The following IQCM variants were observed in gnomAD, a reference collection of about 807,000 sequenced individuals.
IQCM encodes IQ motif containing M, also known as IQ domain-containing protein M.
Under a neutral mutation model 57.6 loss-of-function variants are expected in IQCM, and 45 were observed. The ratio of observed to expected loss-of-function variants is 0.78; its 90% CI spans 0.62 to 1.00. The LOEUF is 1.00. IQCM is among the 50% of genes least tolerant of loss of function. IQCM has a pLI of 0.00. For missense variants in IQCM, 468 were observed against 511.6 expected (o/e 0.91, Z 0.82); for synonymous variants, 148 against 158.9 (o/e 0.93, Z 0.51).
intron 8 of IQCM, among the ~76,000 whole-genome samples, chr4:149,598,649 CTTTA>C (rs59828455): frequency 0.21 from 32,062 of 151,948 alleles, 4,186 homozygotes; most frequent in Non-Finnish European, 0.28. Context: ...AAATTCTCAA[CTTTA>C]TTTGTCATTA....
intron 7 of IQCM, among the ~76,000 whole-genome samples, chr4:149,660,656 A>G (rs1351583442): frequency 1.3e-5 from 2 of 152,104 alleles, no homozygotes; most frequent in African/African-American, 4.8e-5. Flanking sequence ...GCAGCCATAA[A>G]AAAGGATGAG....
chr4:149,509,105 G>T (rs1744138516), intron 12 of IQCM, among the ~76,000 whole-genome samples: 1 of 152,082 alleles, frequency 6.6e-6, no homozygotes, highest in Non-Finnish European at 1.5e-5. Flanking sequence ...CCAGTCTTGG[G>T]TATGCCTTTA....
intron 12 of IQCM, among the ~76,000 whole-genome samples, chr4:149,481,701 G>GTTTTGTTTT (rs1740817619): frequency 5.8e-5 from 3 of 51,550 alleles, no homozygotes; most frequent in African/African-American, 7.6e-5. Flanking sequence ...TTCCAGTTTT[G>GTTTTGTTTT]TTTTTTTTTT....
At chr4:149,363,348 T>C (rs2110931060) in intron 13 of IQCM, among the ~76,000 whole-genome samples, 1 of 152,194 alleles carries the variant, frequency 6.6e-6, no homozygotes, top group South Asian at 2.1e-4. Context: ...TGAAGTAGGG[T>C]GGGTCCAGGA....
In IQCM at chr4:149,548,540, T is replaced by C; in HGVS notation, c.1143A>G (p.Arg381=). 8.1e-7 allele frequency: 1 copy of C among 1,231,550 alleles called. No individual in the cohort carries two copies. The highest frequency in any genetic ancestry group is 1.0e-6 in the Non-Finnish European group (1 of 987,448). 76.3% of individuals were successfully genotyped at this position (1,231,550 alleles called of 1,614,324 possible). The change falls in exon 12 of 14, where the codon AGA becomes AGG. Residue 381 remains arginine, a synonymous_variant. Transcript: ENST00000636793. ...CACTGAAGAAATTGGGGAGCTCATTTCTTTCAATTTTTGGCCAATCTTCCC... is the reference window on the plus strand; with the variant it reads ...CACTGAAGAAATTGGGGAGCTCATTCCTTTCAATTTTTGGCCAATCTTCCC... ...AKREDWPKIE[R]NELPNFFSDC...
intron 12 of IQCM, among the ~76,000 whole-genome samples, chr4:149,543,517 G>A (rs956223530): frequency 1.4e-5 from 2 of 144,900 alleles, no homozygotes; most frequent in African/African-American, 5.1e-5. Context: ...TTTCATCCAT[G>A]TCCCTACAAA....
chr4:149,498,727 A>T (rs950697095), intron 12 of IQCM, among the ~76,000 whole-genome samples: 5 of 152,126 alleles, frequency 3.3e-5, no homozygotes, highest in Non-Finnish European at 7.4e-5. Flanking sequence ...ACTTCTTCCT[A>T]CTACTCCAAT....
chr4:149,453,535 C>CA (rs894934009), intron 12 of IQCM, among the ~76,000 whole-genome samples: 3 of 151,514 alleles, frequency 2.0e-5, no homozygotes, highest in African/African-American at 7.3e-5. Flanking sequence ...ATAAAAAAGA[C>CA]AAAAAAATGT....
intron 13 of IQCM, among the ~76,000 whole-genome samples, chr4:149,381,148 T>C (rs1731049883): frequency 6.6e-6 from 1 of 152,142 alleles, no homozygotes; most frequent in Admixed American, 6.6e-5. Flanking sequence ...TCCAACCCCA[T>C]AGCACGTCCT....
intron 12 of IQCM, among the ~76,000 whole-genome samples, chr4:149,519,128 G>T (rs1358610560): frequency 6.6e-6 from 1 of 152,108 alleles, no homozygotes; most frequent in African/African-American, 2.4e-5. Context: ...TCGCCTTTCT[G>T]AATCGAGTAA....
chr4:149,801,040 T>C (rs1773557247), intron 2 of IQCM, among the ~76,000 whole-genome samples: 1 of 151,664 alleles, frequency 6.6e-6, no homozygotes, highest in South Asian at 2.1e-4. Context: ...CTTTGGGCAT[T>C]TTTGGGGCAA....
At chr4:149,725,400 C>G (rs946966054) in intron 5 of IQCM, among the ~76,000 whole-genome samples, 1 of 152,200 alleles carries the variant, frequency 6.6e-6, no homozygotes, top group East Asian at 1.9e-4. Context: ...AAAAATAGAT[C>G]CAAAGTACAG....
At chr4:149,651,758 G>A (rs1466818601) in intron 7 of IQCM, among the ~76,000 whole-genome samples, 2 of 152,050 alleles carry the variant, frequency 1.3e-5, no homozygotes, top group African/African-American at 4.8e-5. Flanking sequence ...AAGATTTTGG[G>A]GTCAATCACT....
chr4:149,483,187 G>C (rs72726105), intron 12 of IQCM, among the ~76,000 whole-genome samples: 1 of 151,220 alleles, frequency 6.6e-6, no homozygotes, highest in African/African-American at 2.4e-5. Flanking sequence ...TTTGGCTAAG[G>C]GTTTGTTGAT....
At chr4:149,385,733 G>A (rs1731379849) in intron 13 of IQCM, among the ~76,000 whole-genome samples, 2 of 151,974 alleles carry the variant, frequency 1.3e-5, no homozygotes, top group African/African-American at 4.8e-5. Flanking sequence ...CCACTGCCAA[G>A]TATTTTCCTG....
At chr4:149,582,363 T>G (rs1488401332) in intron 9 of IQCM, among the ~76,000 whole-genome samples, 3 of 102,808 alleles carry the variant, frequency 2.9e-5, no homozygotes, top group African/African-American at 1.2e-4. Context: ...TATATATATA[T>G]ATATATTTAG....
At chr4:149,426,817 G>C (rs1734492731) in intron 13 of IQCM, among the ~76,000 whole-genome samples, 1 of 151,878 alleles carries the variant, frequency 6.6e-6, no homozygotes, top group Admixed American at 6.6e-5. Context: ...CAAAAATGAA[G>C]TACCTGCTAT....
At chr4:149,431,963 G>A (rs913797848) in intron 13 of IQCM, among the ~76,000 whole-genome samples, 7 of 150,664 alleles carry the variant, frequency 4.6e-5, no homozygotes, top group African/African-American at 1.7e-4. Flanking sequence ...GTATGTGTGT[G>A]TACGTATATA....
chr4:149,495,964 T>C (rs1054453439), intron 12 of IQCM, among the ~76,000 whole-genome samples: 1 of 152,154 alleles, frequency 6.6e-6, no homozygotes, highest in Admixed American at 6.6e-5. Context: ...TATTGTGTGT[T>C]TCACCATCTT....
Sources: allele counts gnomAD v4.1 joint callset (sites outside exome capture counted in the v4.1 genomes callset), GRCh38; gene constraint gnomAD v4.1.1; transcripts MANE v1.5; gene names NCBI Gene and HGNC (gene_info 2026-07-23, HGNC 2026-07-21).